The following RAB27B variants were observed in gnomAD, a reference collection of about 807,000 sequenced individuals.
RAB27B encodes RAB27B, member RAS oncogene family.
Under a neutral mutation model 24.6 loss-of-function variants are expected in RAB27B, and 15 were observed. That is an observed-to-expected ratio of 0.61 (90% CI 0.41 to 0.94). RAB27B has a LOEUF of 0.94. Among genes scored for constraint, RAB27B ranks in the 40% least tolerant of loss-of-function variants. The pLI is 0.00. For missense variants in RAB27B, 261 were observed against 266.8 expected, an observed-to-expected ratio of 0.98 and a Z score of 0.15; for synonymous variants, 105 against 92.5, an observed-to-expected ratio of 1.14 and a Z score of -0.78.
upstream of RAB27B, among the ~76,000 whole-genome samples, chr18:54,827,398 A>G (rs1242475575): frequency 6.6e-6 from 1 of 152,240 alleles, no homozygotes; most frequent in Non-Finnish European, 1.5e-5. Context: ...AGAACATTGA[A>G]GGACATAAAA....
chr18:54,780,878 G>C (rs1908893669), intron 2 of RAB27B, among the ~76,000 whole-genome samples: 1 of 152,222 alleles, frequency 6.6e-6, no homozygotes, highest in African/African-American at 2.4e-5. Context: ...GTTGGATAAT[G>C]CTGAGCTTTG....
chr18:54,742,834 C>A (rs1910109318), intron 2 of RAB27B, among the ~76,000 whole-genome samples: 1 of 152,162 alleles, frequency 6.6e-6, no homozygotes, highest in South Asian at 2.1e-4. Context: ...TATCCCAGGA[C>A]CTTGATAATA....
intron 2 of RAB27B, among the ~76,000 whole-genome samples, chr18:54,793,093 G>T: frequency 1.8e-5 from 1 of 55,822 alleles, no homozygotes; most frequent in East Asian, 9.7e-4. Context: ...AGCATCAACT[G>T]TAGTTTTTTT....
intron 1 of RAB27B, among the ~76,000 whole-genome samples, chr18:54,841,221 A>G (rs1352869601): frequency 6.9e-6 from 1 of 143,900 alleles, no homozygotes; most frequent in Non-Finnish European, 1.5e-5. Flanking sequence ...CCATGGGTTC[A>G]TTATCCATAG....
intron 1 of RAB27B, among the ~76,000 whole-genome samples, chr18:54,839,503 A>G (rs1911024933): frequency 6.6e-6 from 1 of 152,204 alleles, no homozygotes; most frequent in African/African-American, 2.4e-5. Context: ...AAATCAGGCC[A>G]AGGAATGGTT....
chr18:54,877,762 A>C (rs1170612296), intron 2 of RAB27B, 24 bp downstream of exon 2: 1 of 1,555,338 alleles, frequency 6.4e-7, no homozygotes, highest in Admixed American at 2.1e-5. Context: ...CGTACTTCTA[A>C]CCTTGTCACT....
chr18:54,822,139 G>A (rs1910330432), intron 2 of RAB27B, among the ~76,000 whole-genome samples: 1 of 152,116 alleles, frequency 6.6e-6, no homozygotes, highest in African/African-American at 2.4e-5. Context: ...CCTTAAAAAA[G>A]AGATAGTTAT....
intron 3 of RAB27B, among the ~76,000 whole-genome samples, chr18:54,882,315 T>C (rs1647683386): frequency 6.6e-6 from 1 of 152,202 alleles, no homozygotes; most frequent in South Asian, 2.1e-4. Flanking sequence ...ACTGTTTAAC[T>C]TCACAAATAT....
chr18:54,879,545 A>C, intron 3 of RAB27B, 91 bp downstream of exon 3: 1 of 1,013,590 alleles, frequency 9.9e-7, no homozygotes, highest in Non-Finnish European at 1.6e-6. Flanking sequence ...AAAACAAATA[A>C]TATTCAACTC....
chr18:54,784,867 G>A (rs537484441), intron 2 of RAB27B, among the ~76,000 whole-genome samples: 2 of 152,290 alleles, frequency 1.3e-5, no homozygotes, highest in East Asian at 1.9e-4. Flanking sequence ...AGCAGACAAT[G>A]TGCTACTCTT....
intron 2 of RAB27B, among the ~76,000 whole-genome samples, chr18:54,804,751 C>T (rs1046997154): frequency 4.1e-4 from 63 of 152,112 alleles, no homozygotes; most frequent in Non-Finnish European, 1.0e-4. Flanking sequence ...ACTGGCCAAA[C>T]TTGAATGGGA....
intron 2 of RAB27B, among the ~76,000 whole-genome samples, chr18:54,779,561 G>T (rs956992290): frequency 1.3e-5 from 2 of 150,962 alleles, no homozygotes; most frequent in African/African-American, 4.9e-5. Flanking sequence ...GCACAGCCAG[G>T]GAGGAATCTA....
At chr18:54,725,340 T>A (rs1035622196) in intron 2 of RAB27B, among the ~76,000 whole-genome samples, 1 of 151,532 alleles carries the variant, frequency 6.6e-6, no homozygotes, top group Admixed American at 6.6e-5. Context: ...GTGAGAACCA[T>A]TTCAGGGTGA....
chr18:54,881,984 G>T (rs1352302577), intron 3 of RAB27B, among the ~76,000 whole-genome samples: 2 of 152,232 alleles, frequency 1.3e-5, no homozygotes, highest in African/African-American at 4.8e-5. Flanking sequence ...ACACAATTAT[G>T]GTCAAGTAGG....
chr18:54,786,636 CTTTAAA>C (rs1455340337), intron 2 of RAB27B, among the ~76,000 whole-genome samples: 1 of 152,140 alleles, frequency 6.6e-6, no homozygotes, highest in African/African-American at 2.4e-5. Context: ...TCTATAAGTT[CTTTAAA>C]TTATTCTGTA....
chr18:54,883,645 C>A (rs962360199), intron 3 of RAB27B, among the ~76,000 whole-genome samples: 1 of 152,038 alleles, frequency 6.6e-6, no homozygotes, highest in Non-Finnish European at 1.5e-5. Flanking sequence ...GCATTGCACA[C>A]GAAAGAGCAA....
intron 2 of RAB27B, among the ~76,000 whole-genome samples, chr18:54,812,129 CCTTT>C (rs996558324): frequency 6.6e-6 from 1 of 152,018 alleles, no homozygotes; most frequent in African/African-American, 2.4e-5. Context: ...TGAATGAATA[CCTTT>C]CTATTAGTTT....
At chr18:54,733,801 C>A (rs1228374421) in intron 2 of RAB27B, among the ~76,000 whole-genome samples, 1 of 152,012 alleles carries the variant, frequency 6.6e-6, no homozygotes, top group African/African-American at 2.4e-5. Flanking sequence ...AAATATGAAT[C>A]CCTCTCAAAT....
chr18:54,888,133 C>A lies in RAB27B; in HGVS notation c.467+15C>A, dbSNP rs1182531037. The A allele has an allele frequency of 6.2e-7, 1 of 1,611,376 alleles. No individual in the cohort carries two copies. Among genetic ancestry groups the A allele is most frequent in the Non-Finnish European group, 8.5e-7 (1 of 1,178,460 alleles). Reference sequence around the variant, plus strand: ...GACAAATATGGGTAAGTCAGTTACACTGAGATGGCATGTGACTTGCACACT... The same window carrying A: ...GACAAATATGGGTAAGTCAGTTACAATGAGATGGCATGTGACTTGCACACT... On this transcript the variant is annotated intron_variant, in intron 5 of 5. Transcript: ENST00000262094.
Sources: allele counts gnomAD v4.1 joint callset (sites outside exome capture counted in the v4.1 genomes callset), GRCh38; gene constraint gnomAD v4.1.1; transcripts MANE v1.5; gene names NCBI Gene and HGNC (gene_info 2026-07-23, HGNC 2026-07-21).